MYRFL: variants seen among roughly 807,000 people sequenced by gnomAD.
MYRFL encodes the protein myelin regulatory factor-like protein.
Under a neutral mutation model 109.4 loss-of-function variants are expected in MYRFL, and 88 were observed. The ratio of observed to expected loss-of-function variants is 0.80; its 90% CI spans 0.68 to 0.96. The LOEUF is 0.96. Among genes scored for constraint, MYRFL ranks in the 40% least tolerant of loss-of-function variants. The probability of loss-of-function intolerance (pLI) is 0.00; values close to 1 mark genes in which losing one functional copy is unlikely to be tolerated. For synonymous variants in MYRFL, 324 were observed against 320.9 expected, an observed-to-expected ratio of 1.01 and a Z score of -0.10; for missense variants, 957 against 954.9, an observed-to-expected ratio of 1.00 and a Z score of -0.03.
intron 1 of MYRFL, 27 bp from the exon 2 acceptor site, chr12:69,855,253 C>G: frequency 2.9e-6 from 2 of 698,780 alleles, no homozygotes; most frequent in Non-Finnish European, 2.6e-6. Flanking sequence ...CTTCATGTTT[C>G]TCAAGATTTT....
intron 2 of MYRFL, among the ~76,000 whole-genome samples, chr12:69,872,328 C>G (rs912756052): frequency 6.6e-6 from 1 of 151,970 alleles, no homozygotes; most frequent in African/African-American, 2.4e-5. Context: ...CATTTCTGCC[C>G]TTTTTCCCCC....
chr12:69,861,257 A>G (rs1185371943), intron 2 of MYRFL, among the ~76,000 whole-genome samples: 2 of 152,114 alleles, frequency 1.3e-5, no homozygotes, highest in African/African-American at 4.8e-5. Context: ...CTTTGGGTAT[A>G]TACCCAGTAA....
intron 7 of MYRFL, among the ~76,000 whole-genome samples, chr12:69,892,704 A>C (rs897422791): frequency 6.6e-6 from 1 of 152,256 alleles, no homozygotes; most frequent in Non-Finnish European, 1.5e-5. Flanking sequence ...ACATATAAAC[A>C]TCAAACAAAC....
At chr12:69,892,059 C>T (rs529925104) in intron 7 of MYRFL, among the ~76,000 whole-genome samples, 1 of 152,270 alleles carries the variant, frequency 6.6e-6, no homozygotes, top group South Asian at 2.1e-4. Flanking sequence ...AGTGAATACT[C>T]TTGCAATTCT....
intron 11 of MYRFL, among the ~76,000 whole-genome samples, chr12:69,905,932 T>C (rs935297309): frequency 3.9e-5 from 6 of 152,188 alleles, no homozygotes; most frequent in African/African-American, 9.7e-5. Flanking sequence ...TTTGCAACTT[T>C]TAAAAAGAGA....
chr12:69,844,575 G>T (rs1409225863), intron 1 of MYRFL, among the ~76,000 whole-genome samples: 1 of 152,196 alleles, frequency 6.6e-6, no homozygotes, highest in East Asian at 1.9e-4. Flanking sequence ...CATTGCTGGG[G>T]AGGCGGCGGG....
At chr12:69,844,191 C>T (rs1883397133) in intron 1 of MYRFL, among the ~76,000 whole-genome samples, 1 of 152,100 alleles carries the variant, frequency 6.6e-6, no homozygotes, top group African/African-American at 2.4e-5. Flanking sequence ...CAAGAGGAAG[C>T]CAGTTACTGC....
chr12:69,900,496 T>C (rs1217732309), intron 10 of MYRFL, among the ~76,000 whole-genome samples: 1 of 152,134 alleles, frequency 6.6e-6, no homozygotes, highest in Admixed American at 6.5e-5. Flanking sequence ...TTTGATTCAG[T>C]AGGTCAGGGA....
intron 5 of MYRFL, among the ~76,000 whole-genome samples, chr12:69,885,115 T>A (rs1240293): frequency 0.52 from 79,418 of 151,418 alleles, 22,458 homozygotes; most frequent in East Asian, 0.85. Context: ...TTCTTTTTTT[T>A]AAAAAAAAAT....
chr12:69,882,685 A>C lies in MYRFL; in HGVS notation c.556+2393A>C, dbSNP rs539734566. Among the ~76,000 whole-genome samples the C allele has an allele frequency of 1.4e-4, 22 of 152,292 alleles. 1 individual carries two copies. The South Asian group carries it at 4.4e-3, about 30-fold the overall frequency. ...AATGTAAAATTTTGCTTAGAGAGGA[A>C]GTGCTGGTAGGCAGGCTTCTACCAG... On this transcript the variant is annotated intron_variant, in intron 5 of 24. Coordinates refer to ENST00000552032, the MANE Select transcript of MYRFL (RefSeq NM_182530.3).
chr12:69,845,701 T>G (rs1020111464), intron 1 of MYRFL, among the ~76,000 whole-genome samples: 1 of 151,686 alleles, frequency 6.6e-6, no homozygotes, highest in Non-Finnish European at 1.5e-5. Context: ...CCCACAAAAT[T>G]TATTAAGAAC....
intron 19 of MYRFL, among the ~76,000 whole-genome samples, chr12:69,939,634 G>A (rs1226278990): frequency 4.6e-5 from 7 of 152,170 alleles, no homozygotes; most frequent in African/African-American, 7.2e-5. Flanking sequence ...AAATCAGAGC[G>A]CCTCTCCTCC....
chr12:69,883,271 ACTTTAG>A (rs1307508463), intron 5 of MYRFL, among the ~76,000 whole-genome samples: 1 of 152,126 alleles, frequency 6.6e-6, no homozygotes, highest in Non-Finnish European at 1.5e-5. Context: ...CCTCATAACC[ACTTTAG>A]AAATCCTTTT....
intron 16 of MYRFL, among the ~76,000 whole-genome samples, chr12:69,933,817 A>AGTT (rs1955353056): frequency 6.6e-6 from 1 of 150,818 alleles, no homozygotes; most frequent in Non-Finnish European, 1.5e-5. Context: ...CCGGTGGAAA[A>AGTT]GTTATAAGAA....
In MYRFL at chr12:69,957,889, AG is replaced by A. The variant is rs1186035403; in HGVS notation, c.2522del (p.Gly841GlufsTer15). ...TGGAAATATATGTTTCCATAGTAAA[AG>A]GGGAACCAAAGGGCTGGAAAGCCAC... ...TLGNICFHSK[R>X]GTKGLESHRE... On this transcript the variant is annotated frameshift_variant, in exon 23 of 25. Transcript: ENST00000552032. LOFTEE classifies it high-confidence loss of function. The A allele has an allele frequency of 2.6e-6, 4 of 1,534,754 alleles. No homozygotes were observed. The East Asian group carries it at 7.3e-5, about 28-fold the overall frequency.
intron 11 of MYRFL, among the ~76,000 whole-genome samples, chr12:69,905,564 C>T (rs930826309): frequency 2.6e-5 from 4 of 152,148 alleles, no homozygotes; most frequent in Non-Finnish European, 5.9e-5. Flanking sequence ...GGCCGAGAGG[C>T]GATCTGTGAC....
At chr12:69,908,256 C>A (rs74787966) in intron 11 of MYRFL, among the ~76,000 whole-genome samples, 1 of 152,146 alleles carries the variant, frequency 6.6e-6, no homozygotes, top group Non-Finnish European at 1.5e-5. Context: ...CTCACTCTCA[C>A]GGGGTGTATG....
intron 5 of MYRFL, among the ~76,000 whole-genome samples, 187 bp from the exon 6 acceptor site, chr12:69,886,633 T>C (rs1221988009): frequency 6.6e-6 from 1 of 152,118 alleles, no homozygotes; most frequent in Non-Finnish European, 1.5e-5. Context: ...TTGACAACGC[T>C]GACCCCAGGC....
rs1223042595 is a variant in MYRFL, at chr12:69,955,441, A to G, written c.2450+4A>G. On this transcript the variant is annotated splice_donor_region_variant and intron_variant, in intron 22 of 24. Coordinates refer to ENST00000552032, the MANE Select transcript of MYRFL (RefSeq NM_182530.3). The stretch of plus-strand genomic sequence containing the variant: ...TCAAGTTCTCTCTGGAAATAAAGTA[A>G]GTGCATGGCTGTAAAAAACAATTTC... The G allele has an allele frequency of 1.7e-6, 1 of 606,000 alleles. No individual in the cohort carries two copies. The highest frequency in any genetic ancestry group is 2.9e-6 in the Non-Finnish European group (1 of 342,768). 37.5% of individuals were successfully genotyped at this position (606,000 alleles called of 1,614,324 possible).
Sources: gnomAD v4.1 joint callset for allele counts (sites outside exome capture counted in the v4.1 genomes callset) on GRCh38, gnomAD v4.1.1 for gene constraint, MANE v1.5 for transcripts, NCBI Gene and HGNC (gene_info 2026-07-23, HGNC 2026-07-21) for gene names.